Variants in SPTBN5 observed in about 807,000 individuals in gnomAD.
SPTBN5 encodes the protein spectrin beta, non-erythrocytic 5, also known as spectrin beta chain, non-erythrocytic 5.
A neutral mutation model predicts 477.6 loss-of-function variants in SPTBN5; 513 were observed. The observed-to-expected ratio is 1.07, with a 90% confidence interval of 1.00 to 1.16. The LOEUF (loss-of-function observed/expected upper bound fraction) is 1.16. Among genes scored for constraint, SPTBN5 ranks in the 50% most tolerant of loss-of-function variants. The pLI is 0.00. For missense variants in SPTBN5, 5,062 were observed against 4,731.8 expected (o/e 1.07, Z -2.05); for synonymous variants, 2,169 against 2,011.7 (o/e 1.08, Z -2.09).
At chr15:41,883,270 G>A in intron 8 of SPTBN5, 42 bp from the exon 9 acceptor site, 1 of 1,604,222 alleles carries the variant, frequency 6.2e-7, no homozygotes, top group Non-Finnish European at 8.5e-7. Flanking sequence ...CCAAGGTGCT[G>A]GGTCCCTCTG....
chr15:41,853,916 G>T, intron 57 of SPTBN5, 129 bp from the exon 58 acceptor site: 1 of 1,427,940 alleles, frequency 7.0e-7, no homozygotes, highest in Non-Finnish European at 9.3e-7. Context: ...AAGTCCTAGG[G>T]CCCCTCGGGG....
chr15:41,851,589 G>A (rs1383099296), intron 63 of SPTBN5, among the ~76,000 whole-genome samples, 190 bp downstream of exon 63: 1 of 149,246 alleles, frequency 6.7e-6, no homozygotes, highest in African/African-American at 2.5e-5. Context: ...CCTGGTGGGG[G>A]TGGGTAGGTG....
In SPTBN5 at chr15:41,883,380, C is replaced by T; in HGVS notation, c.1627G>A (p.Glu543Lys). 2.5e-6 allele frequency: 4 copies of T among 1,613,746 alleles called. No homozygotes were observed. Among genetic ancestry groups the T allele is most frequent in the Non-Finnish European group, 3.4e-6 (4 of 1,179,846 alleles). The change falls in exon 8 of 68, where the codon GAG becomes AAG. Residue 543 changes from glutamate to lysine, a missense_variant. Coordinates refer to ENST00000320955, the MANE Select transcript of SPTBN5 (RefSeq NM_016642.4). ...TCCTCCAGCTGGTGGGAGGCAGCCT[C>T]CACCTCCTGCAGCAGGCTCAGCACA... ...QAVLSLLQEV[E>K]AASHQLEELQ...
intron 1 of SPTBN5, 78 bp from the exon 2 acceptor site, chr15:41,893,624 G>A: frequency 7.0e-7 from 1 of 1,436,672 alleles, no homozygotes; most frequent in Non-Finnish European, 9.1e-7. Flanking sequence ...CGCCTTGCCA[G>A]ACTGTCCTCA....
chr15:41,851,933 CTT>C (rs1388688416), intron 62 of SPTBN5, 83 bp from the exon 63 acceptor site: 7 of 1,140,202 alleles, frequency 6.1e-6, no homozygotes, highest in Non-Finnish European at 9.0e-6. Context: ...CCCCAGCTCT[CTT>C]TATTCCTCCC....
In SPTBN5 at chr15:41,893,422, G is replaced by C; in HGVS notation, c.76C>G (p.Leu26Val). ...AGACTTGGACTGGGCGGGACCCGGA[G>C]TTCTGTGCTGGGCCTCCTGCTGCGG... ...GHRSRRPSTE[L>V]RVPPSPSLTM... Residue 26 changes from leucine to valine, a missense_variant, in exon 2 of 68, where the codon CTC (leucine) becomes GTC (valine). Physicochemically the swap from Leu to Val is conservative, Grantham distance 32 (BLOSUM62 1). Transcript: ENST00000320955. The C allele has an allele frequency of 1.2e-6, 2 of 1,613,014 alleles. No homozygotes were observed. Among genetic ancestry groups the C allele is most frequent in the Non-Finnish European group, 1.7e-6 (2 of 1,179,802 alleles).
chr15:41,876,035 T>C, intron 21 of SPTBN5, 79 bp downstream of exon 21: 1 of 1,514,070 alleles, frequency 6.6e-7, no homozygotes, highest in South Asian at 1.2e-5. Flanking sequence ...CAAAGACTCT[T>C]CCATGAAAAC....
Position 41,874,461 on chromosome 15 carries a change from CCCTGCAGAAGCT to C in SPTBN5, c.4508_4519del (p.Glu1503_Gln1506del), listed in dbSNP as rs1217816248. 3.7e-6 allele frequency: 6 copies of C among 1,609,300 alleles called. No individual in the cohort carries two copies. The highest frequency in any genetic ancestry group is 1.3e-5 in the African/African-American group (1 of 74,680). ...CTGCAGGCCCCGGATGGCCAGATGCCCCTGCAGAAGCTCCAGCCTAGGAGGAGGAGGAAGAGA... is the reference window on the plus strand; with the variant it reads ...CTGCAGGCCCCGGATGGCCAGATGCCCCAGCCTAGGAGGAGGAGGAAGAGA... On this transcript the variant is annotated inframe_deletion, in exon 24 of 68. Coordinates refer to ENST00000320955, the MANE Select transcript of SPTBN5 (RefSeq NM_016642.4).
At chr15:41,851,583 G>GA (rs771934985) in intron 63 of SPTBN5, among the ~76,000 whole-genome samples, 196 bp downstream of exon 63, 2,104 of 149,462 alleles carry the variant, frequency 0.014, 50 homozygotes, top group Non-Finnish European at 0.02. Flanking sequence ...GCACCTCCTG[G>GA]TGGGGGTGGG....
chr15:41,866,663 C>G, intron 36 of SPTBN5, 170 bp from the exon 37 acceptor site: 1 of 849,732 alleles, frequency 1.2e-6, no homozygotes, highest in Non-Finnish European at 1.7e-6. Flanking sequence ...CAGGAGGCAG[C>G]CGGGCAGGGC....
At position 41,893,418 on chromosome 15, in the gene SPTBN5, C is replaced by A; in HGVS notation, c.80G>T (p.Arg27Leu). Residue 27 changes from arginine to leucine, a missense_variant, in exon 2 of 68, where the codon CGG (arginine) becomes CTG (leucine). Coordinates refer to ENST00000320955, the MANE Select transcript of SPTBN5 (RefSeq NM_016642.4). ...GGTGAGACTTGGACTGGGCGGGACC[C>A]GGAGTTCTGTGCTGGGCCTCCTGCT... ...HRSRRPSTEL[R>L]VPPSPSLTMD... is the part of the protein sequence containing the mutation. 1 of 1,613,136 alleles carries A rather than the reference C, an allele frequency of 6.2e-7. No homozygotes were observed.
In SPTBN5 at chr15:41,868,147, C is replaced by A; in HGVS notation, c.6129G>T (p.Glu2043Asp). ...QVYQTWARKQ[E>D]RLQAEQQEQL... ...GCTCCTGCTGCTCGGCCTGCAGCCT[C>A]TCTTGCTTCCGTGCCCAGGTCTGAT... The change falls in exon 34 of 68, where the codon GAG becomes GAT. Residue 2043 changes from glutamate (E) to aspartate (D), a missense_variant. Physicochemically the swap from Glu to Asp is conservative, Grantham distance 45 (BLOSUM62 2). Transcript: ENST00000320955. 1.3e-6 allele frequency: 2 copies of A among 1,593,348 alleles called. No homozygotes were observed. The highest frequency in any genetic ancestry group is 2.3e-5 in the East Asian group (1 of 44,034).
chr15:41,885,077 G>C (rs758716822), intron 7 of SPTBN5, among the ~76,000 whole-genome samples: 3 of 152,186 alleles, frequency 2.0e-5, no homozygotes, highest in Non-Finnish European at 4.4e-5. Context: ...AGGCTGGAGT[G>C]CAATGGCGCC....
rs754769727 is a variant in SPTBN5 at position 41,866,132 on chromosome 15, G to A, written c.6728C>T (p.Ala2243Val). The change falls in exon 38 of 68, where the codon GCA becomes GTA. Residue 2243 changes from alanine (A) to valine (V), a missense_variant. Coordinates refer to ENST00000320955, the MANE Select transcript of SPTBN5 (RefSeq NM_016642.4). ...LRKHWEDLRQ[A>V]MALRGQELED... The stretch of plus-strand genomic sequence containing the variant: ...CAGCTCCTGGCCCCTGAGGGCCATT[G>A]CCTGCCTCAGGTCCTCCCAGTGCTT... The A allele has an allele frequency of 9.0e-6, 14 of 1,559,094 alleles. No individual in the cohort carries two copies. Among genetic ancestry groups the A allele is most frequent in the Non-Finnish European group, 1.2e-5 (14 of 1,152,598 alleles).
Position 41,887,976 on chromosome 15 carries a change from C to T in SPTBN5, c.611G>A (p.Arg204Gln), listed in dbSNP as rs530686881. 13 of 1,607,498 alleles carry T rather than the reference C, an allele frequency of 8.1e-6. No individual in the cohort carries two copies. Among genetic ancestry groups the T allele is most frequent in the African/African-American group, 2.7e-5 (2 of 74,972 alleles). Reference protein sequence around the residue: ...YTNVNITDFSRSWSDGLGFNA... With the variant: ...YTNVNITDFSQSWSDGLGFNA... Reference sequence around the variant, plus strand: ...GAAGCCCAGCCCATCGCTCCAGCTTCGGGAGAAATCTGTAATGTTCACGTT... The same window carrying T: ...GAAGCCCAGCCCATCGCTCCAGCTTTGGGAGAAATCTGTAATGTTCACGTT... The change falls in exon 5 of 68, where the codon CGA becomes CAA. Residue 204 changes from arginine (R) to glutamine (Q), a missense_variant. Arg to Gln is a conservative substitution (Grantham distance 43, BLOSUM62 1). Coordinates refer to ENST00000320955, the MANE Select transcript of SPTBN5 (RefSeq NM_016642.4).
intron 52 of SPTBN5, 73 bp downstream of exon 52, chr15:41,856,780 C>T: frequency 6.9e-7 from 1 of 1,452,860 alleles, no homozygotes; most frequent in South Asian, 1.3e-5. Context: ...GGCTGGGCCA[C>T]AGAGAGTGCC....
intron 47 of SPTBN5, 77 bp from the exon 48 acceptor site, chr15:41,859,057 C>T (rs143848606): frequency 3.0e-5 from 35 of 1,176,938 alleles, no homozygotes; most frequent in East Asian, 7.9e-5. Context: ...TAGGCTTTCT[C>T]GGGTATGAAT....
Position 41,864,024 on chromosome 15 carries a change from C to T in SPTBN5, c.6919G>A (p.Asp2307Asn), listed in dbSNP as rs1345336318. 6.2e-7 allele frequency: 1 copy of T among 1,611,468 alleles called. No individual in the cohort carries two copies. The highest frequency in any genetic ancestry group is 1.7e-5 in the Admixed American group (1 of 59,926). The change falls in exon 40 of 68, where the codon GAC (aspartate) becomes AAC (asparagine). Residue 2307 changes from aspartate (D) to asparagine (N), a missense_variant and splice_region_variant. Coordinates refer to ENST00000320955, the MANE Select transcript of SPTBN5 (RefSeq NM_016642.4). ...LREFRGNSAGDTVGDACIRSI... is the reference protein window; with the variant it reads ...LREFRGNSAGNTVGDACIRSI... ...CTGATGCAGGCATCACCCACTGTGT[C>T]CTGCAGGGGAGGTATGGGTGAGGGC...
intron 47 of SPTBN5, among the ~76,000 whole-genome samples, 161 bp from the exon 48 acceptor site, chr15:41,859,141 G>A (rs1162191701): frequency 2.0e-5 from 3 of 152,108 alleles, no homozygotes; most frequent in South Asian, 2.1e-4. Context: ...TCTGTTATGC[G>A]CCGGATTTTG....
Sources: gnomAD v4.1 joint callset for allele counts (sites outside exome capture counted in the v4.1 genomes callset) on GRCh38, gnomAD v4.1.1 for gene constraint, MANE v1.5 for transcripts, NCBI Gene and HGNC (gene_info 2026-07-23, HGNC 2026-07-21) for gene names.